ADAMTS17: variants seen among roughly 807,000 people sequenced by gnomAD.
The protein encoded by ADAMTS17 is A disintegrin and metalloproteinase with thrombospondin motifs 17.
ADAMTS17 carries 113 observed loss-of-function variants against 141.5 expected under a neutral mutation model. The ratio of observed to expected loss-of-function variants is 0.80; its 90% CI spans 0.69 to 0.93. The LOEUF (loss-of-function observed/expected upper bound fraction) is 0.93, where lower values mean the gene tolerates loss of function less well. Ranked by LOEUF, ADAMTS17 falls within the 40% of genes least tolerant of loss-of-function variation. ADAMTS17 has a pLI of 0.00. For missense variants in ADAMTS17, 1,659 were observed against 1,517.9 expected, an observed-to-expected ratio of 1.09 and a Z score of -1.54; for synonymous variants, 768 against 630.6, an observed-to-expected ratio of 1.22 and a Z score of -3.27.
intron 7 of ADAMTS17, among the ~76,000 whole-genome samples, chr15:100,223,066 G>C (rs1346614857): frequency 6.6e-6 from 1 of 152,222 alleles, no homozygotes; most frequent in African/African-American, 2.4e-5. Context: ...AGATGCGGGT[G>C]CAGGAACATT....
At chr15:100,042,681 T>C (rs570234904) in intron 18 of ADAMTS17, among the ~76,000 whole-genome samples, 3 of 152,290 alleles carry the variant, frequency 2.0e-5, no homozygotes, top group Admixed American at 6.5e-5. Context: ...CTAACTGAGA[T>C]GGCTACTGAG....
intron 15 of ADAMTS17, among the ~76,000 whole-genome samples, chr15:100,076,947 A>C (rs1298299091): frequency 6.6e-6 from 1 of 152,106 alleles, no homozygotes; most frequent in Non-Finnish European, 1.5e-5. Context: ...AATCGCTATG[A>C]AGTTTATATA....
At chr15:100,040,914 A>C (rs1184386561) in intron 18 of ADAMTS17, among the ~76,000 whole-genome samples, 2 of 152,174 alleles carry the variant, frequency 1.3e-5, no homozygotes, top group Non-Finnish European at 2.9e-5. Context: ...AATTAGATTT[A>C]CCTATTTTAT....
intron 18 of ADAMTS17, among the ~76,000 whole-genome samples, chr15:100,048,200 C>G (rs1303230488): frequency 6.6e-6 from 1 of 152,108 alleles, no homozygotes; most frequent in East Asian, 1.9e-4. Flanking sequence ...AAACCATTCA[C>G]CTCAATTCAC....
rs531647977 is a variant in ADAMTS17, at chr15:100,169,579, C to G, written c.1182-14259G>C. Among the ~76,000 whole-genome samples the G allele has an allele frequency of 4.6e-5, 7 of 152,332 alleles. No homozygotes were observed. The South Asian group carries it at 6.2e-4, about 14-fold the overall frequency. ...TGGCCAAGCACAGCTTGAGCCCGGGCAGCCCATGCATTGAACCTCCATACA... is the reference window on the plus strand; with the variant it reads ...TGGCCAAGCACAGCTTGAGCCCGGGGAGCCCATGCATTGAACCTCCATACA... On this transcript the variant is annotated intron_variant, in intron 8 of 21. Coordinates refer to ENST00000268070, the MANE Select transcript of ADAMTS17 (RefSeq NM_139057.4).
At chr15:100,013,959 G>GTA (rs2061237288) in intron 18 of ADAMTS17, among the ~76,000 whole-genome samples, 1 of 152,118 alleles carries the variant, frequency 6.6e-6, no homozygotes, top group Non-Finnish European at 1.5e-5. Flanking sequence ...ACAAGGAATG[G>GTA]CACCAATTCT....
chr15:100,214,021 G>A (rs2041891037), intron 7 of ADAMTS17, among the ~76,000 whole-genome samples: 1 of 152,250 alleles, frequency 6.6e-6, no homozygotes, highest in South Asian at 2.1e-4. Flanking sequence ...GGGCAAGAAA[G>A]ATGACTAGTT....
At chr15:100,268,136 T>TG (rs2043784062) in intron 4 of ADAMTS17, among the ~76,000 whole-genome samples, 1 of 151,850 alleles carries the variant, frequency 6.6e-6, no homozygotes, top group Non-Finnish European at 1.5e-5. Flanking sequence ...GAGTTGTTCT[T>TG]TTTTACAGCT....
intron 3 of ADAMTS17, among the ~76,000 whole-genome samples, chr15:100,295,258 C>A (rs544075426): frequency 3.0e-4 from 46 of 152,262 alleles, no homozygotes; most frequent in African/African-American, 1.1e-3. Flanking sequence ...CTCTTGTCTC[C>A]CAGCCCCTCT....
intron 2 of ADAMTS17, among the ~76,000 whole-genome samples, chr15:100,333,106 TTC>T (rs1380442005): frequency 1.3e-5 from 2 of 152,128 alleles, no homozygotes; most frequent in African/African-American, 2.4e-5. Context: ...CCAGCCTTCC[TTC>T]TCTCTCCCTG....
chr15:100,193,961 C>A (rs79665351), intron 8 of ADAMTS17, among the ~76,000 whole-genome samples: 5 of 152,290 alleles, frequency 3.3e-5, no homozygotes, highest in African/African-American at 1.2e-4. Flanking sequence ...TGGTTTGGGC[C>A]GGCTCCCAGG....
In ADAMTS17 at chr15:100,027,415, G is replaced by C. The variant is rs138902757; in HGVS notation, c.2591+21442C>G. On this transcript the variant is annotated intron_variant, in intron 18 of 21. Transcript: ENST00000268070. ...AAACATCCTAAGATGCTCACCATCA[G>C]CCCTTTTACCGCTGACCCTAGTCAT... Among the ~76,000 whole-genome samples the C allele has an allele frequency of 9.2e-5, 14 of 152,292 alleles. 1 individual carries two copies. Among genetic ancestry groups the C allele is most frequent in the Admixed American group, 8.5e-4 (13 of 15,304 alleles).
intron 18 of ADAMTS17, among the ~76,000 whole-genome samples, chr15:100,028,589 T>C (rs1160159416): frequency 6.6e-6 from 1 of 152,242 alleles, no homozygotes; most frequent in Non-Finnish European, 1.5e-5. Flanking sequence ...GAGCCATTTA[T>C]TTCTCTTAGC....
intron 4 of ADAMTS17, among the ~76,000 whole-genome samples, chr15:100,268,747 C>T (rs1203640497): frequency 6.6e-6 from 1 of 152,060 alleles, no homozygotes; most frequent in Non-Finnish European, 1.5e-5. Context: ...ATTAAACTAC[C>T]AACATCATTT....
At chr15:100,283,076 G>C (rs764334857) in intron 3 of ADAMTS17, among the ~76,000 whole-genome samples, 4 of 152,246 alleles carry the variant, frequency 2.6e-5, no homozygotes, top group Admixed American at 6.5e-5. Context: ...CATTGAGTTT[G>C]AGAAAAACAC....
Position 99,974,570 on chromosome 15 carries a change from G to A in ADAMTS17, c.3128-8C>T, listed in dbSNP as rs2060281052. 3.7e-6 allele frequency: 6 copies of A among 1,614,238 alleles called. No homozygotes were observed. The highest frequency in any genetic ancestry group is 1.3e-5 in the African/African-American group (1 of 75,058). ...ATTTGTAGGTCAGAGCAGCTAAGGG[G>A]ATAGGAGAGAGAATACCCAGGGTCA... On this transcript the variant is annotated splice_region_variant and splice_polypyrimidine_tract_variant and intron_variant, in intron 21 of 21. Coordinates refer to ENST00000268070, the MANE Select transcript of ADAMTS17 (RefSeq NM_139057.4).
chr15:100,290,900 A>G (rs189487602), intron 3 of ADAMTS17, among the ~76,000 whole-genome samples: 131 of 152,350 alleles, frequency 8.6e-4, no homozygotes, highest in African/African-American at 2.8e-3. Flanking sequence ...AAAACTCTGG[A>G]AAAAAACCTA....
chr15:100,221,897 G>A (rs1052981854), intron 7 of ADAMTS17, among the ~76,000 whole-genome samples: 2 of 152,136 alleles, frequency 1.3e-5, no homozygotes, highest in African/African-American at 4.8e-5. Context: ...TTCTGCTCTC[G>A]GGCTGACACC....
At chr15:100,192,382 G>C (rs1197423052) in intron 8 of ADAMTS17, among the ~76,000 whole-genome samples, 1 of 152,208 alleles carries the variant, frequency 6.6e-6, no homozygotes, top group Admixed American at 6.5e-5. Context: ...CTTCCTGGGG[G>C]GAGGCACCCC....
Sources: gnomAD v4.1 joint callset for allele counts (sites outside exome capture counted in the v4.1 genomes callset) on GRCh38, gnomAD v4.1.1 for gene constraint, MANE v1.5 for transcripts, NCBI Gene and HGNC (gene_info 2026-07-23, HGNC 2026-07-21) for gene names.